Variants in COX7B2 observed in about 807,000 individuals in gnomAD.
COX7B2 encodes cytochrome c oxidase subunit 7B2.
For missense variants in COX7B2, 109 were observed against 95.9 expected (o/e 1.14, Z -0.57); for synonymous variants, 37 against 32.1 (o/e 1.15, Z -0.51).
intron 2 of COX7B2, among the ~76,000 whole-genome samples, chr4:46,830,268 G>A (rs1714978688): frequency 6.9e-6 from 1 of 145,144 alleles, no homozygotes; most frequent in Admixed American, 7.1e-5. Flanking sequence ...AGGTTGCAAT[G>A]AGCTGAGATC....
At chr4:46,821,296 C>T (rs191233267) in intron 2 of COX7B2, among the ~76,000 whole-genome samples, 158 of 152,280 alleles carry the variant, frequency 1.0e-3, no homozygotes, top group African/African-American at 3.6e-3. Flanking sequence ...ATAATTTCTT[C>T]TGAGAGAAAT....
intron 2 of COX7B2, among the ~76,000 whole-genome samples, chr4:46,799,411 G>GCGAGGGTGGGCATCCT (rs1285896078): frequency 6.6e-6 from 1 of 152,018 alleles, no homozygotes; most frequent in African/African-American, 2.4e-5. Flanking sequence ...AATTCAAGCA[G>GCGAGGGTGGGCATCCT]CGAGGGTGGG....
intron 2 of COX7B2, among the ~76,000 whole-genome samples, chr4:46,772,138 T>C (rs1043312426): frequency 1.1e-4 from 16 of 152,086 alleles, no homozygotes; most frequent in African/African-American, 3.9e-4. Context: ...CTTCCATTCA[T>C]GGCAATATGG....
intron 2 of COX7B2, among the ~76,000 whole-genome samples, chr4:46,772,703 C>T (rs1716943459): frequency 6.6e-6 from 1 of 151,838 alleles, no homozygotes. Context: ...GTACCTGATT[C>T]TCATCTTCAC....
At chr4:46,863,081 T>C (rs1717432002) in intron 1 of COX7B2, among the ~76,000 whole-genome samples, 1 of 152,140 alleles carries the variant, frequency 6.6e-6, no homozygotes, top group Non-Finnish European at 1.5e-5. Context: ...TGCCAAAGAA[T>C]ATGCCTTTTT....
chr4:46,908,281 C>A (rs777067152), intron 1 of COX7B2, among the ~76,000 whole-genome samples: 2 of 152,140 alleles, frequency 1.3e-5, no homozygotes, highest in African/African-American at 4.8e-5. Context: ...TAATCATACC[C>A]TTCTCTCAGT....
rs145544179 is a variant in COX7B2, at chr4:46,807,095, CT to C, written c.-50+37864del. On this transcript the variant is annotated intron_variant, in intron 2 of 2. Transcript: ENST00000355591. ...TTTAAATTTTTTTAGAAACCTCATA[CT>C]TTTTTTTTATAATGGCCATACTAAT... Among the ~76,000 whole-genome samples the C allele has an allele frequency of 7.3e-5, 11 of 151,120 alleles. No homozygotes were observed. The East Asian group carries it at 9.7e-4, about 13-fold the overall frequency.
intron 1 of COX7B2, among the ~76,000 whole-genome samples, chr4:46,872,207 A>G (rs906079504): frequency 6.6e-6 from 1 of 152,188 alleles, no homozygotes; most frequent in Non-Finnish European, 1.5e-5. Flanking sequence ...TATCCTCATA[A>G]AATTAATGCA....
intron 2 of COX7B2, among the ~76,000 whole-genome samples, chr4:46,835,961 C>T (rs1401765092): frequency 1.3e-5 from 2 of 152,096 alleles, no homozygotes; most frequent in Admixed American, 1.3e-4. Flanking sequence ...TGTACCTAAA[C>T]ATGTCCAAAC....
At chr4:46,768,391 C>G (rs979632344) in intron 2 of COX7B2, among the ~76,000 whole-genome samples, 1 of 152,164 alleles carries the variant, frequency 6.6e-6, no homozygotes, top group African/African-American at 2.4e-5. Context: ...TTAGATGCTT[C>G]TCTCTTCCCT....
chr4:46,735,268 G>C, intron 2 of COX7B2, 27 bp from the exon 3 acceptor site: 2 of 1,504,414 alleles, frequency 1.3e-6, no homozygotes. Flanking sequence ...GATATGCATT[G>C]ATGTCCAATC....
chr4:46,842,548 C>A (rs1446194922), intron 2 of COX7B2, among the ~76,000 whole-genome samples: 2 of 151,932 alleles, frequency 1.3e-5, no homozygotes, highest in Non-Finnish European at 2.9e-5. Context: ...CTATCCCTCC[C>A]CACTCCCCCC....
At chr4:46,831,483 G>A (rs1715095324) in intron 2 of COX7B2, among the ~76,000 whole-genome samples, 1 of 152,198 alleles carries the variant, frequency 6.6e-6, no homozygotes, top group South Asian at 2.1e-4. Context: ...CCCAGTGCGG[G>A]ATCCACTGGG....
In COX7B2 at chr4:46,734,898, T is replaced by C. The variant is rs1308691022; in HGVS notation, c.*49A>G. 6.2e-7 allele frequency: 1 copy of C among 1,608,248 alleles called. No homozygotes were observed. On this transcript the variant is annotated 3_prime_UTR_variant, in exon 3 of 3. Transcript: ENST00000355591. ...TTTAATAAGCAGTAGAGTGCTTACA[T>C]GACAAGTTGGTTTTTTAAACAATTC... is the stretch of plus-strand genomic sequence containing the variant.
chr4:46,769,468 A>C (rs1716744039), intron 2 of COX7B2, among the ~76,000 whole-genome samples: 1 of 152,200 alleles, frequency 6.6e-6, no homozygotes, highest in South Asian at 2.1e-4. Flanking sequence ...ACGGTGGCTC[A>C]CGCCTGTGAT....
At chr4:46,823,381 T>C (rs2109701255) in intron 2 of COX7B2, among the ~76,000 whole-genome samples, 1 of 151,674 alleles carries the variant, frequency 6.6e-6, no homozygotes, top group Admixed American at 6.6e-5. Flanking sequence ...TACTAAACTT[T>C]AAGAAATTTA....
At chr4:46,791,322 T>C (rs1718037425) in intron 2 of COX7B2, among the ~76,000 whole-genome samples, 1 of 152,188 alleles carries the variant, frequency 6.6e-6, no homozygotes, top group Admixed American at 6.5e-5. Context: ...GTAACCCACA[T>C]TTTTAAGTAG....
In COX7B2 at chr4:46,800,526, G is replaced by A. The variant is rs145281806; in HGVS notation, c.-50+44434C>T. 4.0e-3 allele frequency among the ~76,000 whole-genome samples: 612 copies of A among 152,234 alleles called. 4 individuals carry two copies. The highest frequency in any genetic ancestry group is 6.4e-3 in the Non-Finnish European group (432 of 67,986). ...AGAAAGGGCACCCTATTCGATACAT[G>A]GTGCTGGGATTACTGGCTAGCCATA... On this transcript the variant is annotated intron_variant, in intron 2 of 2. Coordinates refer to ENST00000355591, the MANE Select transcript of COX7B2 (RefSeq NM_130902.3).
intron 2 of COX7B2, among the ~76,000 whole-genome samples, chr4:46,824,654 T>TAAAAA (rs34090448): frequency 3.1e-5 from 4 of 130,314 alleles, no homozygotes; most frequent in Admixed American, 3.0e-4. Context: ...ACTGTTTGTG[T>TAAAAA]AAAAAAAAAA....
Sources: allele counts gnomAD v4.1 joint callset (sites outside exome capture counted in the v4.1 genomes callset), GRCh38; gene constraint gnomAD v4.1.1; transcripts MANE v1.5; gene names NCBI Gene and HGNC (gene_info 2026-07-23, HGNC 2026-07-21).